Variants in ZNF331 observed in about 807,000 individuals in gnomAD.
ZNF331 encodes the protein C2H2-like zinc finger protein rearranged in thyroid adenomas.
Under a neutral mutation model 7.0 loss-of-function variants are expected in ZNF331, and 2 were observed. That is an observed-to-expected ratio of 0.29 (90% CI 0.12 to 0.90). The LOEUF is 0.90. Ranked by LOEUF, ZNF331 falls within the 40% of genes least tolerant of loss-of-function variation. ZNF331 has a pLI of 0.58. For missense variants in ZNF331, 432 were observed against 587.7 expected, an observed-to-expected ratio of 0.74 and a Z score of 2.74; for synonymous variants, 196 against 205.4, an observed-to-expected ratio of 0.95 and a Z score of 0.39.
chr19:53,575,577 G>A (rs1032602199), intron 5 of ZNF331, among the ~76,000 whole-genome samples: 8 of 136,210 alleles, frequency 5.9e-5, no homozygotes, highest in Non-Finnish European at 1.2e-4. Context: ...GGGTTCAAGC[G>A]ATTCTCCTGC....
At chr19:53,562,138 ACT>A (rs1181301379) in intron 3 of ZNF331, among the ~76,000 whole-genome samples, 1 of 152,012 alleles carries the variant, frequency 6.6e-6, no homozygotes, top group East Asian at 1.9e-4. Context: ...GTAGAACAAG[ACT>A]CTGTCTCAAA....
At position 53,571,727 on chromosome 19, in the gene ZNF331, C is replaced by T. The variant is rs61741794; in HGVS notation, c.133C>T (p.Leu45=). ...MLENYSNLVS[L]DLESAYENKS... is the part of the protein sequence containing the mutation. ...GGAGAACTACAGTAACTTGGTCTCA[C>T]TGGGTGAGTTGCACGCCTCAGATAA... Residue 45 remains leucine, a synonymous_variant, in exon 5 of 6, where the codon CTG becomes TTG. Coordinates refer to ENST00000449416, the MANE Select transcript of ZNF331 (RefSeq NM_001079906.2). The surrounding 1 kb of genome is among the most constrained non-coding windows in gnomAD (Gnocchi z 4.7). 3.8e-3 allele frequency: 6,060 copies of T among 1,610,354 alleles called. 202 individuals carry two copies. In the African/African-American group the frequency reaches 0.068, roughly 18 times the overall value.
rs138941161 is a variant in ZNF331 at position 53,575,095 on chromosome 19, C to T, written c.137-1602C>T. 5.8e-3 allele frequency among the ~76,000 whole-genome samples: 878 copies of T among 151,928 alleles called. 9 individuals are homozygous for T. Among genetic ancestry groups the T allele is most frequent in the African/African-American group, 0.02 (842 of 41,444 alleles). ...GGGACTATAGGTGTACACCACCACA[C>T]CTGGCTAATTTTTGTATTTTTTTTG... On this transcript the variant is annotated intron_variant, in intron 5 of 5. Coordinates refer to ENST00000449416, the MANE Select transcript of ZNF331 (RefSeq NM_001079906.2).
intron 5 of ZNF331, among the ~76,000 whole-genome samples, chr19:53,572,491 G>T (rs1344962669): frequency 6.7e-6 from 1 of 149,998 alleles, no homozygotes; most frequent in Non-Finnish European, 1.5e-5. Context: ...AGACCCCATC[G>T]CTAAAACAAT....
At chr19:53,568,784 G>C (rs1348081674) in intron 3 of ZNF331, among the ~76,000 whole-genome samples, 1 of 147,908 alleles carries the variant, frequency 6.8e-6, no homozygotes, top group Admixed American at 6.8e-5. Context: ...AGCCTCCTCT[G>C]CTGTGTGCAG....
chr19:53,552,426 A>G (rs974418129), intron 2 of ZNF331, among the ~76,000 whole-genome samples: 19 of 152,270 alleles, frequency 1.2e-4, no homozygotes, highest in Admixed American at 1.2e-3. Flanking sequence ...TAGCATAAGA[A>G]AAAAACAGCA....
chr19:53,532,241 T>C (rs1568465663), intron 2 of ZNF331, among the ~76,000 whole-genome samples: 1 of 152,170 alleles, frequency 6.6e-6, no homozygotes. Context: ...TTCATCTCCC[T>C]ATTCCCACCC....
chr19:53,552,262 G>A (rs747585973), intron 2 of ZNF331, among the ~76,000 whole-genome samples: 10 of 151,978 alleles, frequency 6.6e-5, no homozygotes, highest in South Asian at 2.1e-4. Context: ...TCCCCTACTC[G>A]CTTGTGAGAG....
intron 3 of ZNF331, among the ~76,000 whole-genome samples, chr19:53,559,617 TAC>T (rs976558392): frequency 3.1e-5 from 4 of 129,778 alleles, no homozygotes; most frequent in East Asian, 3.1e-4. Context: ...ACCCCATATA[TAC>T]ACACATATAC....
intron 2 of ZNF331, among the ~76,000 whole-genome samples, chr19:53,542,886 C>T (rs1364087645): frequency 3.9e-5 from 6 of 152,106 alleles, no homozygotes; most frequent in South Asian, 4.1e-4. Context: ...CGCGGCTCAC[C>T]GCAACCTCTG....
At chr19:53,510,928 C>T in the ZNF331 span, among the ~76,000 whole-genome samples, 1 of 151,486 alleles carries the variant, frequency 6.6e-6, no homozygotes, top group Non-Finnish European at 1.5e-5. Flanking sequence ...TAATTGCATC[C>T]CCACCCCAAA....
At chr19:53,543,453 G>A (rs1044690967) in intron 2 of ZNF331, among the ~76,000 whole-genome samples, 13 of 151,790 alleles carry the variant, frequency 8.6e-5, no homozygotes, top group African/African-American at 2.9e-4. Context: ...TAGTAGAGAC[G>A]GGGTTTCACC....
At chr19:53,504,570 A>C in the ZNF331 span, among the ~76,000 whole-genome samples, 6 of 152,126 alleles carry the variant, frequency 3.9e-5, no homozygotes, top group Non-Finnish European at 8.8e-5. Flanking sequence ...GTGCACAAAC[A>C]CACGTGCCTC....
intron 2 of ZNF331, among the ~76,000 whole-genome samples, chr19:53,544,678 A>G (rs764484081): frequency 2.0e-5 from 3 of 152,082 alleles, no homozygotes; most frequent in Admixed American, 6.5e-5. Flanking sequence ...GAAATCATAG[A>G]TAAGATCAAG....
chr19:53,550,570 T>G (rs2088928403), intron 2 of ZNF331, among the ~76,000 whole-genome samples: 1 of 123,998 alleles, frequency 8.1e-6, no homozygotes, highest in African/African-American at 3.0e-5. Flanking sequence ...AGAGTCTCGC[T>G]GTATCACCCA....
chr19:53,505,709 G>A, the ZNF331 span, among the ~76,000 whole-genome samples: 4 of 152,186 alleles, frequency 2.6e-5, no homozygotes, highest in South Asian at 2.1e-4. Flanking sequence ...AGCAGAGGCC[G>A]GGCGTGGTGG....
rs898322956 is a variant in ZNF331 at position 53,579,289 on chromosome 19, C to T, written c.*1337C>T. Reference sequence around the variant, plus strand: ...ACTCCGTGGCATCTGTGGAATAACCCTGCTAATGTAACACGTGAGAAAGCC... The same window carrying T: ...ACTCCGTGGCATCTGTGGAATAACCTTGCTAATGTAACACGTGAGAAAGCC... On this transcript the variant is annotated 3_prime_UTR_variant, in exon 6 of 6. Coordinates refer to ENST00000449416, the MANE Select transcript of ZNF331 (RefSeq NM_001079906.2). The T allele has an allele frequency of 9.1e-6, 2 of 220,120 alleles. No individual in the cohort carries two copies. Among genetic ancestry groups the T allele is most frequent in the African/African-American group, 2.2e-5 (1 of 44,618 alleles). The allele number at this position is 220,120 out of a possible 1,614,324, so 13.6% of individuals were successfully genotyped here.
chr19:53,520,826 T>C (rs983851192), upstream of ZNF331, among the ~76,000 whole-genome samples: 2 of 151,718 alleles, frequency 1.3e-5, no homozygotes, highest in African/African-American at 4.8e-5. Context: ...TAGGGTCGCG[T>C]AGAGTTGCAT....
rs1447767943 is a variant in ZNF331, at chr19:53,579,371, G to C, written c.*1419G>C. On this transcript the variant is annotated 3_prime_UTR_variant, in exon 6 of 6. Transcript: ENST00000449416. Reference sequence around the variant, plus strand: ...CCCACCATCCCCCGCCCTCCTCCCTGTGAGACACTGGGCCAAAGGCTCACT... The same window carrying C: ...CCCACCATCCCCCGCCCTCCTCCCTCTGAGACACTGGGCCAAAGGCTCACT... 5.7e-6 allele frequency: 1 copy of C among 175,310 alleles called. No individual in the cohort carries two copies. Among genetic ancestry groups the C allele is most frequent in the African/African-American group, 2.5e-5 (1 of 40,708 alleles). The allele number at this position is 175,310 out of a possible 1,614,324, so 10.9% of individuals were successfully genotyped here. A position where few individuals can be genotyped will look rare whatever the true frequency, so the allele number is the denominator to read the frequency against.
Sources: allele counts gnomAD v4.1 joint callset (sites outside exome capture counted in the v4.1 genomes callset), GRCh38; gene constraint gnomAD v4.1.1; non-coding constraint Gnocchi (gnomAD v3.1); transcripts MANE v1.5; gene names NCBI Gene and HGNC (gene_info 2026-07-23, HGNC 2026-07-21).